The following EPB41L4B variants were observed in gnomAD, a reference collection of about 807,000 sequenced individuals.
The protein encoded by EPB41L4B is band 4.1-like protein 4B.
A neutral mutation model predicts 112.5 loss-of-function variants in EPB41L4B; 30 were observed. That is an observed-to-expected ratio of 0.27 (90% CI 0.20 to 0.36). The LOEUF (loss-of-function observed/expected upper bound fraction) is 0.36. EPB41L4B is among the 10% of genes least tolerant of loss of function. The probability of loss-of-function intolerance (pLI) is 1.00; values close to 1 mark genes in which losing one functional copy is unlikely to be tolerated. For synonymous variants in EPB41L4B, 408 were observed against 439.7 expected, an observed-to-expected ratio of 0.93 and a Z score of 0.90; for missense variants, 1,024 against 1,133.3, an observed-to-expected ratio of 0.90 and a Z score of 1.38.
intron 16 of EPB41L4B, among the ~76,000 whole-genome samples, chr9:109,214,916 G>C (rs1265214075): frequency 6.6e-6 from 1 of 152,196 alleles, no homozygotes. Context: ...CCTGGAGCGG[G>C]TGCCCCTTAG....
At chr9:109,216,424 T>C (rs563897708) in intron 16 of EPB41L4B, among the ~76,000 whole-genome samples, 10 of 152,154 alleles carry the variant, frequency 6.6e-5, no homozygotes, top group Non-Finnish European at 1.5e-4. Flanking sequence ...GTGGATCACC[T>C]GAAGTCAGGA....
chr9:109,236,117 T>C (rs528090419), intron 15 of EPB41L4B, among the ~76,000 whole-genome samples: 5 of 152,320 alleles, frequency 3.3e-5, no homozygotes, highest in Admixed American at 3.3e-4. Context: ...TTCCCAATCA[T>C]GGGCTCCAGT....
intron 15 of EPB41L4B, among the ~76,000 whole-genome samples, chr9:109,230,205 A>G (rs1325308295): frequency 6.6e-6 from 1 of 152,218 alleles, no homozygotes; most frequent in Admixed American, 6.5e-5. Flanking sequence ...TACATAAGGA[A>G]AGAGGAGCAG....
chr9:109,301,930 T>A (rs1233547925), intron 1 of EPB41L4B, among the ~76,000 whole-genome samples: 1 of 152,178 alleles, frequency 6.6e-6, no homozygotes, highest in Non-Finnish European at 1.5e-5. Context: ...CAACTCCAAC[T>A]GGATTCAGAA....
At chr9:109,255,431 A>T (rs1834940050) in intron 11 of EPB41L4B, 80 bp downstream of exon 11, 1 of 1,536,632 alleles carries the variant, frequency 6.5e-7, no homozygotes, top group Admixed American at 1.8e-5. Context: ...CAAATCCACT[A>T]CTCTATTCGC....
Position 109,246,961 on chromosome 9 carries a change from C to T in EPB41L4B, c.1344+795G>A, listed in dbSNP as rs186768723. Among the ~76,000 whole-genome samples, 16 of 152,180 alleles carry T rather than the reference C, an allele frequency of 1.1e-4. No individual in the cohort carries two copies. In the East Asian group the frequency reaches 2.9e-3, roughly 28 times the overall value. ...AAAAAATGGTAGGGGTTGAGGCTAG[C>T]GTTTTTTTAAAAAAGATATGAAGGG... is the stretch of plus-strand genomic sequence containing the variant. On this transcript the variant is annotated intron_variant, in intron 14 of 25. Transcript: ENST00000374566.
At chr9:109,296,789 A>G (rs1836746124) in intron 1 of EPB41L4B, among the ~76,000 whole-genome samples, 1 of 151,754 alleles carries the variant, frequency 6.6e-6, no homozygotes, top group African/African-American at 2.4e-5. Context: ...GGGGAGTATG[A>G]AGTGGGAAGA....
intron 1 of EPB41L4B, among the ~76,000 whole-genome samples, chr9:109,292,495 T>C (rs756265931): frequency 1.3e-5 from 2 of 152,172 alleles, no homozygotes; most frequent in African/African-American, 4.8e-5. Context: ...ACTTGCCCAA[T>C]TGAGTCCATT....
At chr9:109,287,438 A>G (rs1836332155) in intron 1 of EPB41L4B, among the ~76,000 whole-genome samples, 1 of 152,232 alleles carries the variant, frequency 6.6e-6, no homozygotes, top group Non-Finnish European at 1.5e-5. Context: ...TCTCAATAGC[A>G]TAAGATGCCA....
At chr9:109,294,028 C>T (rs898143554) in intron 1 of EPB41L4B, among the ~76,000 whole-genome samples, 1 of 152,074 alleles carries the variant, frequency 6.6e-6, no homozygotes, top group Non-Finnish European at 1.5e-5. Flanking sequence ...CATTGTTGGC[C>T]GGGTGTGGTG....
intron 16 of EPB41L4B, among the ~76,000 whole-genome samples, chr9:109,216,096 A>T (rs1054475883): frequency 5.9e-5 from 9 of 152,248 alleles, no homozygotes; most frequent in African/African-American, 2.2e-4. Context: ...ATGGGATAGA[A>T]TGAGTTTTTC....
chr9:109,192,920 G>A (rs1385009693), intron 21 of EPB41L4B, among the ~76,000 whole-genome samples: 2 of 152,194 alleles, frequency 1.3e-5, no homozygotes, highest in African/African-American at 4.8e-5. Flanking sequence ...CAAGGAGAGA[G>A]ATGGCCAGGA....
chr9:109,239,349 CGATTT>C (rs1161284037), intron 15 of EPB41L4B, among the ~76,000 whole-genome samples: 2 of 152,026 alleles, frequency 1.3e-5, no homozygotes, highest in Admixed American at 6.5e-5. Context: ...AAAAGATGAT[CGATTT>C]GATTTTTGAT....
intron 15 of EPB41L4B, among the ~76,000 whole-genome samples, chr9:109,233,618 C>T (rs1369338843): frequency 6.6e-6 from 1 of 151,482 alleles, no homozygotes; most frequent in African/African-American, 2.4e-5. Flanking sequence ...GCAGCCTCCG[C>T]CTCCCGGGTT....
chr9:109,274,304 G>C (rs1449669448), intron 2 of EPB41L4B, among the ~76,000 whole-genome samples: 1 of 152,042 alleles, frequency 6.6e-6, no homozygotes, highest in Non-Finnish European at 1.5e-5. Context: ...TGCTTGGTGG[G>C]GCTGTTACTA....
chr9:109,276,295 G>A (rs145933038), intron 2 of EPB41L4B, among the ~76,000 whole-genome samples: 14 of 146,558 alleles, frequency 9.6e-5, no homozygotes, highest in Non-Finnish European at 2.0e-4. Flanking sequence ...TTCAGGACAC[G>A]CTTCATGAAG....
intron 15 of EPB41L4B, among the ~76,000 whole-genome samples, chr9:109,222,075 T>G (rs1833593710): frequency 6.6e-6 from 1 of 152,196 alleles, no homozygotes; most frequent in South Asian, 2.1e-4. Context: ...AACTTTTTTA[T>G]TTCAAGGAAA....
chr9:109,183,107 C>T (rs1222668976), intron 23 of EPB41L4B, among the ~76,000 whole-genome samples: 1 of 152,058 alleles, frequency 6.6e-6, no homozygotes, highest in Non-Finnish European at 1.5e-5. Context: ...GCTTTCCAGG[C>T]CTGACTCATA....
At chr9:109,210,748 G>A (rs1833137873) in intron 17 of EPB41L4B, among the ~76,000 whole-genome samples, 1 of 152,184 alleles carries the variant, frequency 6.6e-6, no homozygotes, top group Non-Finnish European at 1.5e-5. Flanking sequence ...AAGCATCTGG[G>A]TTCCAAGACC....
Sources: gnomAD v4.1 joint callset for allele counts (sites outside exome capture counted in the v4.1 genomes callset) on GRCh38, gnomAD v4.1.1 for gene constraint, MANE v1.5 for transcripts, NCBI Gene and HGNC (gene_info 2026-07-23, HGNC 2026-07-21) for gene names.